The following KCNQ5 variants were observed in gnomAD, a reference collection of about 807,000 sequenced individuals.
The protein encoded by KCNQ5 is potassium voltage-gated channel subfamily KQT member 5.
In KCNQ5, 30 loss-of-function variants were observed where a neutral mutation model predicts 98.2. The observed-to-expected ratio is 0.31, with a 90% CI of 0.23 to 0.41. The LOEUF is 0.41. Ranked by LOEUF, KCNQ5 falls within the 10% of genes least tolerant of loss-of-function variation. KCNQ5 has a pLI of 1.00. For synonymous variants in KCNQ5, 458 were observed against 449.4 expected, an observed-to-expected ratio of 1.02 and a Z score of -0.24; for missense variants, 835 against 1,182.5, an observed-to-expected ratio of 0.71 and a Z score of 4.31.
At chr6:72,667,618 G>GA (rs1288626785) in intron 1 of KCNQ5, among the ~76,000 whole-genome samples, 1 of 152,012 alleles carries the variant, frequency 6.6e-6, no homozygotes, top group Non-Finnish European at 1.5e-5. Flanking sequence ...ACTTTACAGT[G>GA]AAAAAATCAA....
intron 1 of KCNQ5, among the ~76,000 whole-genome samples, chr6:72,974,744 CT>C (rs760371964): frequency 4.5e-3 from 649 of 144,360 alleles, no homozygotes; most frequent in Admixed American, 5.0e-3. Flanking sequence ...ACACTTTCTA[CT>C]TTTTTTTTTT....
intron 1 of KCNQ5, among the ~76,000 whole-genome samples, chr6:72,732,930 G>A (rs74334718): frequency 4.1e-4 from 62 of 152,234 alleles, no homozygotes; most frequent in Non-Finnish European, 4.1e-4. Flanking sequence ...AAAGGAGGAG[G>A]ATGCTCCAGT....
rs1172714173 is a variant in KCNQ5, at chr6:73,197,642, C to CA, written c.*2228_*2229insA. The CA allele has an allele frequency of 1.4e-5, 2 of 143,794 alleles. No homozygotes were observed. Among genetic ancestry groups the CA allele is most frequent in the Non-Finnish European group, 3.0e-5 (2 of 65,924 alleles). The allele number at this position is 143,794 out of a possible 1,614,324, so 8.9% of individuals were successfully genotyped here. On this transcript the variant is annotated 3_prime_UTR_variant, in exon 14 of 14. Coordinates refer to ENST00000370398, the MANE Select transcript of KCNQ5 (RefSeq NM_019842.4). ...ACACACACACACACACACACACACA[C>CA]CCCTCCACTGACCTAAAGCCAGACA...
intron 1 of KCNQ5, among the ~76,000 whole-genome samples, chr6:72,932,190 A>G (rs1232022808): frequency 2.0e-5 from 3 of 152,084 alleles, no homozygotes; most frequent in Non-Finnish European, 4.4e-5. Flanking sequence ...TAATAGAAAC[A>G]TTGAATATGA....
At chr6:72,841,065 G>T (rs944079447) in intron 1 of KCNQ5, among the ~76,000 whole-genome samples, 1 of 152,086 alleles carries the variant, frequency 6.6e-6, no homozygotes, top group African/African-American at 2.4e-5. Flanking sequence ...ATTACAATAC[G>T]TAATATAGAA....
At chr6:72,910,563 GGTGT>G (rs963735270) in intron 1 of KCNQ5, among the ~76,000 whole-genome samples, 538 of 43,054 alleles carry the variant, frequency 0.012, 1 homozygote, top group Non-Finnish European at 0.022. Context: ...AAGGTAGGGG[GGTGT>G]GTGTGTGTGT....
At chr6:72,910,587 TGTGTGTGTGTGTGTGTGTGG>T (rs1779901096) in intron 1 of KCNQ5, among the ~76,000 whole-genome samples, 2 of 151,402 alleles carry the variant, frequency 1.3e-5, no homozygotes, top group Non-Finnish European at 2.9e-5. Flanking sequence ...TGTGTGTGTG[TGTGTGTGTGTGTGTGTGTGG>T]CTGATAAATT....
chr6:72,824,235 G>A (rs1017775442), intron 1 of KCNQ5, among the ~76,000 whole-genome samples: 1 of 152,020 alleles, frequency 6.6e-6, no homozygotes, highest in East Asian at 1.9e-4. Flanking sequence ...AAGCAATTGA[G>A]CAATATAAAT....
chr6:72,845,466 T>C (rs1659153907), intron 1 of KCNQ5, among the ~76,000 whole-genome samples: 1 of 152,204 alleles, frequency 6.6e-6, no homozygotes, highest in African/African-American at 2.4e-5. Context: ...TAGCAGAGTT[T>C]TATGCAGACT....
chr6:72,713,513 C>A (rs969999021), intron 1 of KCNQ5, among the ~76,000 whole-genome samples: 2 of 152,098 alleles, frequency 1.3e-5, no homozygotes, highest in African/African-American at 2.4e-5. Context: ...GAATGATTTG[C>A]GTTTTCCCAG....
chr6:73,101,916 A>G (rs1416213856), intron 5 of KCNQ5, among the ~76,000 whole-genome samples: 1 of 152,238 alleles, frequency 6.6e-6, no homozygotes, highest in African/African-American at 2.4e-5. Flanking sequence ...ATTTATATGG[A>G]ACCAGAAAAT....
intron 1 of KCNQ5, among the ~76,000 whole-genome samples, chr6:72,852,640 AATATATAT>A (rs140435793): frequency 5.3e-5 from 3 of 56,802 alleles, no homozygotes; most frequent in Non-Finnish European, 6.6e-5. Flanking sequence ...ATGAAGGGGA[AATATATAT>A]ATATATATAT....
At position 73,196,106 on chromosome 6, in the gene KCNQ5, A is replaced by G. The variant is rs889377758; in HGVS notation, c.*692A>G. The G allele has an allele frequency of 2.0e-5, 3 of 152,778 alleles. No homozygotes were observed. Among genetic ancestry groups the G allele is most frequent in the African/African-American group, 7.2e-5 (3 of 41,480 alleles). 9.5% of individuals were successfully genotyped at this position (152,778 alleles called of 1,614,324 possible). A position where few individuals can be genotyped will look rare whatever the true frequency, so the allele number is the denominator to read the frequency against. On this transcript the variant is annotated 3_prime_UTR_variant, in exon 14 of 14. Transcript: ENST00000370398. ...AATTCAGGGCCAGTGAGGCAAATAG[A>G]CTATCTGACATATTTGACTTTATGA...
intron 1 of KCNQ5, among the ~76,000 whole-genome samples, chr6:72,748,134 G>A (rs1378343244): frequency 2.0e-5 from 3 of 152,132 alleles, no homozygotes; most frequent in South Asian, 2.1e-4. Flanking sequence ...GAGATTGGGA[G>A]AGTAGTTGCT....
intron 1 of KCNQ5, among the ~76,000 whole-genome samples, chr6:72,659,620 T>C (rs1289047570): frequency 6.6e-6 from 1 of 152,164 alleles, no homozygotes; most frequent in African/African-American, 2.4e-5. Flanking sequence ...TGTCCTCACG[T>C]GGAAGAAGGA....
chr6:72,889,660 C>T (rs1328300819), intron 1 of KCNQ5, among the ~76,000 whole-genome samples: 2 of 152,080 alleles, frequency 1.3e-5, no homozygotes, highest in East Asian at 3.9e-4. Flanking sequence ...GAAGAGAACA[C>T]AGAAATATTT....
chr6:73,154,575 C>G (rs1003762815), intron 10 of KCNQ5, among the ~76,000 whole-genome samples: 1 of 151,892 alleles, frequency 6.6e-6, no homozygotes, highest in African/African-American at 2.4e-5. Context: ...CCTTTTGTAC[C>G]AATGTGAACA....
intron 1 of KCNQ5, among the ~76,000 whole-genome samples, chr6:72,849,127 C>CAA (rs747206811): frequency 2.6e-5 from 4 of 151,960 alleles, no homozygotes; most frequent in Non-Finnish European, 5.9e-5. Context: ...CACACACACA[C>CAA]ACACACACAC....
chr6:72,888,339 A>G (rs1183839704), intron 1 of KCNQ5, among the ~76,000 whole-genome samples: 1 of 152,204 alleles, frequency 6.6e-6, no homozygotes, highest in African/African-American at 2.4e-5. Flanking sequence ...AGCAGAGAAC[A>G]TAGCATTTTT....
Sources: allele counts gnomAD v4.1 joint callset (sites outside exome capture counted in the v4.1 genomes callset), GRCh38; gene constraint gnomAD v4.1.1; transcripts MANE v1.5; gene names NCBI Gene and HGNC (gene_info 2026-07-23, HGNC 2026-07-21).